The following GNG7 variants were observed in gnomAD, a reference collection of about 807,000 sequenced individuals.
GNG7 encodes the protein G protein subunit gamma 7.
Under a neutral mutation model 4.0 loss-of-function variants are expected in GNG7, and 1 was observed. The ratio of observed to expected loss-of-function variants is 0.25; its 90% CI spans 0.09 to 1.18. The LOEUF (loss-of-function observed/expected upper bound fraction) is 1.18, where lower values mean the gene tolerates loss of function less well. Ranked by LOEUF, GNG7 falls within the 50% of genes most tolerant of loss-of-function variation. The probability of loss-of-function intolerance (pLI) is 0.50; values close to 1 mark genes in which losing one functional copy is unlikely to be tolerated. For missense variants in GNG7, 86 were observed against 91.9 expected, an observed-to-expected ratio of 0.94 and a Z score of 0.26; for synonymous variants, 34 against 36.9, an observed-to-expected ratio of 0.92 and a Z score of 0.29.
intron 3 of GNG7, among the ~76,000 whole-genome samples, chr19:2,542,201 G>A (rs544703466): frequency 3.1e-5 from 4 of 130,024 alleles, no homozygotes; most frequent in African/African-American, 1.2e-4. Flanking sequence ...CGCAACCTCC[G>A]CCTCCCAGGT....
intron 3 of GNG7, among the ~76,000 whole-genome samples, chr19:2,529,207 GT>G (rs1555691143): frequency 6.6e-6 from 1 of 151,890 alleles, no homozygotes; most frequent in Non-Finnish European, 1.5e-5. Context: ...GTGTTGGTGG[GT>G]TTTTTTGTTT....
chr19:2,599,487 C>A (rs1981134822), intron 2 of GNG7, among the ~76,000 whole-genome samples: 1 of 151,878 alleles, frequency 6.6e-6, no homozygotes, highest in African/African-American at 2.4e-5. Flanking sequence ...GGCCCTCGGG[C>A]AGCCCTGCCA....
At position 2,514,977 on chromosome 19, in the gene GNG7, A is replaced by G; in HGVS notation, c.*45T>C. On this transcript the variant is annotated 3_prime_UTR_variant, in exon 5 of 5. Coordinates refer to ENST00000382159, the MANE Select transcript of GNG7 (RefSeq NM_052847.3). ...GAGACAGAGACAGAGACAGAGAGAG[A>G]GAGAGAGAAAGAGAGAGAGAGAGAG... is the stretch of plus-strand genomic sequence containing the variant. The G allele has an allele frequency of 6.8e-7, 1 of 1,477,470 alleles. No individual in the cohort carries two copies. The allele number at this position is 1,477,470 out of a possible 1,614,324, so 91.5% of individuals were successfully genotyped here.
intron 2 of GNG7, among the ~76,000 whole-genome samples, chr19:2,586,961 G>A (rs900720255): frequency 6.9e-6 from 1 of 144,930 alleles, no homozygotes; most frequent in African/African-American, 2.6e-5. Flanking sequence ...CTCCAGCCTG[G>A]GTGACAGAGC....
rs1381334824 is a variant in GNG7, at chr19:2,546,706, C to G, written c.-38+8443G>C. On this transcript the variant is annotated intron_variant, in intron 3 of 4. Coordinates refer to ENST00000382159, the MANE Select transcript of GNG7 (RefSeq NM_052847.3). The surrounding 1 kb of genome is among the most constrained non-coding windows in gnomAD (Gnocchi z 6.3). ...TGTTCAGACAAAGAGGCCGCGACGA[C>G]AGAGGGTGACGCGCCGCCAGTGTGG... is the stretch of plus-strand genomic sequence containing the variant. Among the ~76,000 whole-genome samples the G allele has an allele frequency of 1.3e-5, 2 of 152,200 alleles. No homozygotes were observed. Among genetic ancestry groups the G allele is most frequent in the African/African-American group, 2.4e-5 (1 of 41,460 alleles).
At chr19:2,666,757 T>C (rs148690524) in intron 1 of GNG7, among the ~76,000 whole-genome samples, 1 of 152,254 alleles carries the variant, frequency 6.6e-6, no homozygotes, top group Non-Finnish European at 1.5e-5. Context: ...AGCCATAGAC[T>C]ATGCATAAAT....
chr19:2,697,568 A>G (rs1211350874), intron 1 of GNG7, among the ~76,000 whole-genome samples: 1 of 152,242 alleles, frequency 6.6e-6, no homozygotes, highest in African/African-American at 2.4e-5. Context: ...GTGCATGTAT[A>G]AAAAGCAGTG....
chr19:2,586,846 G>A (rs752415097), intron 2 of GNG7, among the ~76,000 whole-genome samples: 5 of 151,962 alleles, frequency 3.3e-5, no homozygotes, highest in Admixed American at 6.6e-5. Context: ...TTAGCCGGGT[G>A]TGGTGTCACG....
intron 1 of GNG7, among the ~76,000 whole-genome samples, chr19:2,697,611 G>A (rs1913297461): frequency 6.6e-6 from 1 of 152,216 alleles, no homozygotes; most frequent in Non-Finnish European, 1.5e-5. Context: ...AACGAGCGGG[G>A]AGAGGCGCCC....
Position 2,514,314 on chromosome 19 carries a change from C to G in GNG7, c.*708G>C, listed in dbSNP as rs1422587020. On this transcript the variant is annotated 3_prime_UTR_variant, in exon 5 of 5. Coordinates refer to ENST00000382159, the MANE Select transcript of GNG7 (RefSeq NM_052847.3). ...CAGAGGGGACCCTGCAGAAAGGACC[C>G]ATGGCTAACATCATGCAGGGGAGTC... The G allele has an allele frequency of 6.6e-6, 1 of 152,372 alleles. No homozygotes were observed. 9.4% of individuals were successfully genotyped at this position (152,372 alleles called of 1,614,324 possible).
chr19:2,536,465 G>C (rs1162988609), intron 3 of GNG7, among the ~76,000 whole-genome samples: 1 of 151,542 alleles, frequency 6.6e-6, no homozygotes, highest in Non-Finnish European at 1.5e-5. Context: ...TCAGCTTGCT[G>C]TTTTTGAAAC....
At chr19:2,522,397 G>A (rs1000693316) in intron 3 of GNG7, among the ~76,000 whole-genome samples, 4 of 152,134 alleles carry the variant, frequency 2.6e-5, no homozygotes, top group Non-Finnish European at 4.4e-5. Flanking sequence ...TCATGGCATC[G>A]CTGTCTGTTT....
intron 1 of GNG7, among the ~76,000 whole-genome samples, chr19:2,670,849 C>T (rs903969443): frequency 2.0e-5 from 3 of 152,124 alleles, no homozygotes; most frequent in African/African-American, 7.2e-5. Context: ...CCCTGGGTTA[C>T]AGATTCCAAG....
At chr19:2,564,793 T>A (rs950851817) in intron 2 of GNG7, among the ~76,000 whole-genome samples, 3 of 151,044 alleles carry the variant, frequency 2.0e-5, no homozygotes, top group African/African-American at 7.3e-5. Context: ...CCTCCAAAAG[T>A]AGGAGAGGAG....
At chr19:2,532,162 C>CAA (rs71178286) in intron 3 of GNG7, among the ~76,000 whole-genome samples, 2 of 120,670 alleles carry the variant, frequency 1.7e-5, no homozygotes, top group African/African-American at 5.8e-5. Context: ...AAAAAAAAAA[C>CAA]AAAAAAAAAA....
At chr19:2,577,142 A>G (rs1170075146) in intron 2 of GNG7, among the ~76,000 whole-genome samples, 2 of 152,202 alleles carry the variant, frequency 1.3e-5, no homozygotes, top group Non-Finnish European at 2.9e-5. Context: ...GTGTTGCGTA[A>G]CCAATTGCCA....
rs1979593846 is a variant in GNG7 at position 2,557,325 on chromosome 19, GCACACAGACACACACATGTGCACA to G, written c.-77-2161_-77-2138del. 6.7e-6 allele frequency among the ~76,000 whole-genome samples: 1 copy of G among 149,688 alleles called. No individual in the cohort carries two copies. The highest frequency in any genetic ancestry group is 2.5e-5 in the African/African-American group (1 of 40,380). On this transcript the variant is annotated intron_variant, in intron 2 of 4. Transcript: ENST00000382159. This position sits in a 1 kb window ranked among gnomAD's most constrained non-coding sequence, Gnocchi z 5.1. ...CACATACACGCACAGACACACATGTGCACACAGACACACACATGTGCACACACACAGACACACACACACGTGCAC... is the reference window on the plus strand; with the variant it reads ...CACATACACGCACAGACACACATGTGCACACAGACACACACACACGTGCAC...
At chr19:2,552,543 C>A (rs12982579) in intron 3 of GNG7, among the ~76,000 whole-genome samples, 60,805 of 151,494 alleles carry the variant, frequency 0.4, 12,530 homozygotes, top group Middle Eastern at 0.48. Flanking sequence ...CACCACCACG[C>A]CTGGCTAATT....
At chr19:2,550,408 T>C (rs1029666387) in intron 3 of GNG7, among the ~76,000 whole-genome samples, 2 of 152,178 alleles carry the variant, frequency 1.3e-5, no homozygotes, top group Admixed American at 1.3e-4. Flanking sequence ...TATTTTTTGG[T>C]AGAGTCGCGG....
Sources: allele counts gnomAD v4.1 joint callset (sites outside exome capture counted in the v4.1 genomes callset), GRCh38; gene constraint gnomAD v4.1.1; non-coding constraint Gnocchi (gnomAD v3.1); transcripts MANE v1.5; gene names NCBI Gene and HGNC (gene_info 2026-07-23, HGNC 2026-07-21).